TTC28: variants seen among roughly 807,000 people sequenced by gnomAD.
TTC28 encodes the protein tetratricopeptide repeat protein 28.
Under a neutral mutation model 198.0 loss-of-function variants are expected in TTC28, and 61 were observed. The observed-to-expected ratio is 0.31, with a 90% CI of 0.25 to 0.38. The LOEUF (loss-of-function observed/expected upper bound fraction) is 0.38. TTC28 is among the 10% of genes least tolerant of loss of function. TTC28 has a pLI of 1.00. For synonymous variants in TTC28, 1,171 were observed against 1,297.8 expected, an observed-to-expected ratio of 0.90 and a Z score of 2.10; for missense variants, 2,678 against 3,164.0, an observed-to-expected ratio of 0.85 and a Z score of 3.69.
At chr22:28,127,577 G>A (rs972383309) in intron 6 of TTC28, among the ~76,000 whole-genome samples, 1 of 152,058 alleles carries the variant, frequency 6.6e-6, no homozygotes, top group Non-Finnish European at 1.5e-5. Context: ...CCAAGACTTC[G>A]TATGAGAAAA....
chr22:28,433,486 A>G (rs886173331), intron 2 of TTC28, among the ~76,000 whole-genome samples: 3 of 152,202 alleles, frequency 2.0e-5, no homozygotes. Flanking sequence ...ATGCTCCTTA[A>G]GGTTCTTTTT....
At chr22:28,645,612 G>A (rs140221769) in intron 1 of TTC28, among the ~76,000 whole-genome samples, 23 of 148,792 alleles carry the variant, frequency 1.5e-4, no homozygotes, top group African/African-American at 5.7e-4. Flanking sequence ...GGGCAACAGA[G>A]CGAGACTACA....
intron 2 of TTC28, among the ~76,000 whole-genome samples, chr22:28,431,627 TAAAG>T (rs1260926924): frequency 6.6e-6 from 1 of 152,174 alleles, no homozygotes; most frequent in African/African-American, 2.4e-5. Flanking sequence ...AACAAAAAGA[TAAAG>T]AAATGTACTA....
intron 2 of TTC28, among the ~76,000 whole-genome samples, chr22:28,386,830 G>C (rs1327474198): frequency 6.7e-6 from 1 of 149,042 alleles, no homozygotes; most frequent in Non-Finnish European, 1.5e-5. Context: ...TTGTTTTTTT[G>C]TTTTGTTTTG....
chr22:28,328,986 A>G (rs922231943), intron 2 of TTC28, among the ~76,000 whole-genome samples: 3 of 151,902 alleles, frequency 2.0e-5, no homozygotes, highest in African/African-American at 4.8e-5. Flanking sequence ...CCATTTTCAA[A>G]AAGAGAAACC....
chr22:28,294,182 C>A (rs931678867), intron 5 of TTC28, among the ~76,000 whole-genome samples: 1 of 152,022 alleles, frequency 6.6e-6, no homozygotes, highest in Non-Finnish European at 1.5e-5. Context: ...ATGCAAAGGG[C>A]AATTTTGGAA....
At chr22:28,246,645 A>G (rs1930118178) in intron 5 of TTC28, among the ~76,000 whole-genome samples, 1 of 152,196 alleles carries the variant, frequency 6.6e-6, no homozygotes, top group Non-Finnish European at 1.5e-5. Flanking sequence ...CTAATGACAA[A>G]GGAACTATCT....
intron 2 of TTC28, among the ~76,000 whole-genome samples, chr22:28,570,552 T>G (rs1429221631): frequency 6.6e-6 from 1 of 152,078 alleles, no homozygotes; most frequent in East Asian, 1.9e-4. Context: ...TGCTTGAGGT[T>G]TGAGGGTGGG....
intron 2 of TTC28, among the ~76,000 whole-genome samples, chr22:28,511,313 T>C (rs762643193): frequency 3.9e-5 from 6 of 152,034 alleles, no homozygotes; most frequent in South Asian, 2.1e-4. Flanking sequence ...AACAGACACA[T>C]AGACCAATGG....
chr22:28,651,074 C>A (rs2051556379), intron 1 of TTC28, among the ~76,000 whole-genome samples: 2 of 152,188 alleles, frequency 1.3e-5, no homozygotes, highest in Admixed American at 1.3e-4. Context: ...GACCATATAG[C>A]CCACAAAGCA....
chr22:28,635,528 A>T (rs1480212840), intron 1 of TTC28, among the ~76,000 whole-genome samples: 3 of 152,150 alleles, frequency 2.0e-5, no homozygotes, highest in African/African-American at 4.8e-5. Flanking sequence ...TTTTCCTCTG[A>T]TCCTCTGACA....
chr22:28,283,386 GC>G (rs1367332077), intron 5 of TTC28, among the ~76,000 whole-genome samples: 1 of 151,638 alleles, frequency 6.6e-6, no homozygotes. Flanking sequence ...TAGCATTATT[GC>G]AAATTATATA....
At chr22:28,441,639 A>G (rs1048811435) in intron 2 of TTC28, among the ~76,000 whole-genome samples, 2 of 152,204 alleles carry the variant, frequency 1.3e-5, no homozygotes, top group African/African-American at 4.8e-5. Flanking sequence ...ATTCTCTAGC[A>G]ATAAAACAAA....
intron 2 of TTC28, among the ~76,000 whole-genome samples, chr22:28,606,250 TTTC>T (rs1034245733): frequency 1.2e-4 from 18 of 151,964 alleles, no homozygotes; most frequent in African/African-American, 4.3e-4. Context: ...TGCATGGCTT[TTTC>T]TTTTCTTTTT....
chr22:28,096,650 C>A (rs999151918), intron 10 of TTC28, among the ~76,000 whole-genome samples: 5 of 152,124 alleles, frequency 3.3e-5, no homozygotes, highest in Non-Finnish European at 4.4e-5. Context: ...TTGCAGCCAG[C>A]GCCACAAAAG....
At chr22:28,197,482 A>G (rs918897569) in intron 5 of TTC28, among the ~76,000 whole-genome samples, 10 of 152,124 alleles carry the variant, frequency 6.6e-5, no homozygotes, top group African/African-American at 2.4e-4. Context: ...GATGGACAAA[A>G]AAAGACAAAC....
chr22:28,314,640 G>A (rs939779104), intron 2 of TTC28, among the ~76,000 whole-genome samples: 12 of 152,176 alleles, frequency 7.9e-5, no homozygotes, highest in Middle Eastern at 3.4e-3. Flanking sequence ...CATTGATCTC[G>A]CTGGGAGCTG....
chr22:28,558,794 G>A (rs2049825107), intron 2 of TTC28, among the ~76,000 whole-genome samples: 1 of 152,180 alleles, frequency 6.6e-6, no homozygotes, highest in Non-Finnish European at 1.5e-5. Flanking sequence ...ACTTTGGGAG[G>A]CCAAGACAGG....
At chr22:28,331,982 A>G (rs983535772) in intron 2 of TTC28, among the ~76,000 whole-genome samples, 2 of 152,102 alleles carry the variant, frequency 1.3e-5, no homozygotes, top group African/African-American at 4.8e-5. Context: ...CTACACTTCT[A>G]AAGCAAATTA....
Sources: gnomAD v4.1 joint callset for allele counts (sites outside exome capture counted in the v4.1 genomes callset) on GRCh38, gnomAD v4.1.1 for gene constraint, MANE v1.5 for transcripts, NCBI Gene and HGNC (gene_info 2026-07-23, HGNC 2026-07-21) for gene names.